Variants in RASA3 observed in about 807,000 individuals in gnomAD.
The protein encoded by RASA3 is ras GTPase-activating protein 3.
RASA3 carries 73 observed loss-of-function variants against 110.0 expected under a neutral mutation model. The observed-to-expected ratio is 0.66, with a 90% CI of 0.55 to 0.81. The LOEUF (loss-of-function observed/expected upper bound fraction) is 0.81, where lower values mean the gene tolerates loss of function less well. Ranked by LOEUF, RASA3 falls within the 30% of genes least tolerant of loss-of-function variation. The pLI is 0.00. For missense variants in RASA3, 976 were observed against 1,113.2 expected (o/e 0.88, Z 1.75); for synonymous variants, 500 against 451.4 (o/e 1.11, Z -1.37).
At position 114,065,252 on chromosome 13, in the gene RASA3, G is replaced by A. The variant is rs1390946902; in HGVS notation, c.173+8468C>T. On this transcript the variant is annotated intron_variant, in intron 2 of 23. Transcript: ENST00000334062. This position sits in a 1 kb window ranked among gnomAD's most constrained non-coding sequence, Gnocchi z 4.1. The stretch of plus-strand genomic sequence containing the variant: ...CGCAAGGCTGGCGCTGCCCCATCCC[G>A]CCTGCGGCTGCTCCCATCACGTGAT... Among the ~76,000 whole-genome samples, 3 of 152,160 alleles carry A rather than the reference G, an allele frequency of 2.0e-5. No homozygotes were observed. The highest frequency in any genetic ancestry group is 1.9e-4 in the East Asian group (1 of 5,180).
At chr13:114,066,982 C>T (rs1252815967) in intron 2 of RASA3, among the ~76,000 whole-genome samples, 3 of 145,212 alleles carry the variant, frequency 2.1e-5, no homozygotes, top group African/African-American at 7.7e-5. Flanking sequence ...GCCCCCCTAC[C>T]TGGGCTGAGG....
At chr13:114,001,246 C>T (rs1185331465) in intron 18 of RASA3, among the ~76,000 whole-genome samples, 12 of 152,222 alleles carry the variant, frequency 7.9e-5, no homozygotes, top group Admixed American at 4.6e-4. Flanking sequence ...GATGCTCCCA[C>T]GGCGGACCTG....
At chr13:114,024,763 C>T (rs2053996646) in intron 7 of RASA3, among the ~76,000 whole-genome samples, 3 of 152,230 alleles carry the variant, frequency 2.0e-5, no homozygotes. Context: ...CACCTCAAGG[C>T]TCTATTTGCC....
intron 3 of RASA3, among the ~76,000 whole-genome samples, chr13:114,046,643 G>A (rs954076904): frequency 6.6e-6 from 1 of 152,346 alleles, no homozygotes; most frequent in East Asian, 1.9e-4. Flanking sequence ...ACTGGCAGGC[G>A]TGTCCGATGG....
chr13:114,090,181 G>A (rs544520782), intron 1 of RASA3, among the ~76,000 whole-genome samples: 6 of 152,276 alleles, frequency 3.9e-5, no homozygotes, highest in Non-Finnish European at 7.4e-5. Flanking sequence ...GGGGCCGCAC[G>A]GCAACAGGTT....
Position 114,103,208 on chromosome 13 carries a change from A to G in RASA3, c.55+29227T>C, listed in dbSNP as rs1042668359. ...AGGGTCTCCCCCAAGTCCACCGGAA[A>G]TGTGTGCACATTCGCCCTACCCCAC... On this transcript the variant is annotated intron_variant, in intron 1 of 23. Coordinates refer to ENST00000334062, the MANE Select transcript of RASA3 (RefSeq NM_007368.4). Among the ~76,000 whole-genome samples the G allele has an allele frequency of 1.8e-4, 27 of 152,134 alleles. 1 individual carries two copies. Among genetic ancestry groups the G allele is most frequent in the Admixed American group, 1.7e-3 (26 of 15,280 alleles).
At chr13:113,996,888 C>T (rs1350818029) in intron 20 of RASA3, 149 bp from the exon 21 acceptor site, 1 of 694,968 alleles carries the variant, frequency 1.4e-6, no homozygotes, top group African/African-American at 1.8e-5. Context: ...AGCTCTAAGC[C>T]CCAGAAGAGG....
intron 4 of RASA3, among the ~76,000 whole-genome samples, chr13:114,040,778 C>A (rs1196861644): frequency 1.3e-5 from 2 of 149,596 alleles, no homozygotes; most frequent in African/African-American, 5.0e-5. Context: ...AGAGCCTGCG[C>A]TCACTCCGAG....
chr13:113,980,007 G>A (rs114128218), intron 23 of RASA3, among the ~76,000 whole-genome samples: 1,632 of 141,060 alleles, frequency 0.012, 22 homozygotes, highest in African/African-American at 0.042. Flanking sequence ...CCCTCCGTGT[G>A]TACACCTCCC....
intron 2 of RASA3, among the ~76,000 whole-genome samples, chr13:114,070,671 G>A (rs1490854928): frequency 1.4e-5 from 2 of 146,942 alleles, no homozygotes; most frequent in Admixed American, 6.8e-5. Context: ...AGTCTTACAC[G>A]TGGGCAGGGC....
intron 1 of RASA3, among the ~76,000 whole-genome samples, chr13:114,117,271 G>C: frequency 1.0e-5 from 1 of 98,390 alleles, no homozygotes; most frequent in South Asian, 3.6e-4. Flanking sequence ...ATGCACGTGT[G>C]TGAGGGGTGC....
chr13:114,068,182 T>C (rs990259024), intron 2 of RASA3, among the ~76,000 whole-genome samples: 3 of 152,002 alleles, frequency 2.0e-5, no homozygotes. Context: ...GGCATGCAAA[T>C]GAACCCTGCA....
At chr13:114,077,249 C>T (rs542167985) in intron 1 of RASA3, among the ~76,000 whole-genome samples, 6 of 152,278 alleles carry the variant, frequency 3.9e-5, no homozygotes, top group Middle Eastern at 3.4e-3. Flanking sequence ...ATGAAAAGGC[C>T]GGATCCCCCT....
In RASA3 at chr13:114,000,750, C is replaced by T. The variant is rs2053375297; in HGVS notation, c.1849+76G>A. The T allele has an allele frequency of 1.4e-5, 15 of 1,105,584 alleles. No homozygotes were observed. In the South Asian group the frequency reaches 1.6e-4, roughly 12 times the overall value. The allele number at this position is 1,105,584 out of a possible 1,614,324, so 68.5% of individuals were successfully genotyped here. ...TGAATCCTTCCTCCCCTCAGCTCTC[C>T]CCCTGAAAAAGCAGACTCAGTCCCA... On this transcript the variant is annotated intron_variant, in intron 19 of 23. Coordinates refer to ENST00000334062, the MANE Select transcript of RASA3 (RefSeq NM_007368.4).
rs770175381 is a variant in RASA3 at position 114,029,781 on chromosome 13, C to T, written c.449+30G>A. The stretch of plus-strand genomic sequence containing the variant: ...GGAGCCAGACATGCCACTCGCTGTG[C>T]GCTCGGTCTCTAGTGAGGACGTGTC... On this transcript the variant is annotated intron_variant, in intron 5 of 23. Coordinates refer to ENST00000334062, the MANE Select transcript of RASA3 (RefSeq NM_007368.4). The T allele has an allele frequency of 5.4e-5, 84 of 1,567,914 alleles. 1 individual carries two copies. The Admixed American group carries it at 6.2e-4, about 12-fold the overall frequency.
chr13:114,005,810 C>T (rs61971851), intron 18 of RASA3, among the ~76,000 whole-genome samples: 408 of 20,048 alleles, frequency 0.02, 67 homozygotes, highest in African/African-American at 0.12. Context: ...CCACCTTACC[C>T]TTCTCCCCTC....
intron 5 of RASA3, among the ~76,000 whole-genome samples, chr13:114,029,313 G>A (rs1163402846): frequency 1.9e-4 from 3 of 15,764 alleles, no homozygotes. Context: ...ATCATCCTGG[G>A]GGCCAGGACC....
At chr13:114,119,193 GC>G (rs2080332883) in intron 1 of RASA3, among the ~76,000 whole-genome samples, 2 of 152,120 alleles carry the variant, frequency 1.3e-5, no homozygotes, top group South Asian at 2.1e-4. Context: ...AAGGCACTTA[GC>G]AAAAATGTAG....
At chr13:114,013,331 C>A in intron 14 of RASA3, 83 bp from the exon 15 acceptor site, 1 of 998,410 alleles carries the variant, frequency 1.0e-6, no homozygotes, top group Non-Finnish European at 1.5e-6. Flanking sequence ...CCCTGAGGGT[C>A]CGCAGGGAAG....
Sources: allele counts gnomAD v4.1 joint callset (sites outside exome capture counted in the v4.1 genomes callset), GRCh38; gene constraint gnomAD v4.1.1; non-coding constraint Gnocchi (gnomAD v3.1); transcripts MANE v1.5; gene names NCBI Gene and HGNC (gene_info 2026-07-23, HGNC 2026-07-21).